KCNAB1: variants seen among roughly 807,000 people sequenced by gnomAD.
The protein encoded by KCNAB1 is potassium voltage-gated channel subfamily A regulatory beta subunit 1, also known as voltage-gated potassium channel subunit beta-1.
KCNAB1 carries 35 observed loss-of-function variants against 64.6 expected under a neutral mutation model. That is an observed-to-expected ratio of 0.54 (90% CI 0.41 to 0.72). The LOEUF (loss-of-function observed/expected upper bound fraction) is 0.72, where lower values mean the gene tolerates loss of function less well. Ranked by LOEUF, KCNAB1 falls within the 30% of genes least tolerant of loss-of-function variation. The pLI is 0.00. For synonymous variants in KCNAB1, 177 were observed against 183.8 expected (o/e 0.96, Z 0.30); for missense variants, 401 against 512.9 (o/e 0.78, Z 2.11).
intron 1 of KCNAB1, among the ~76,000 whole-genome samples, chr3:156,165,577 T>G (rs1025518586): frequency 6.6e-6 from 1 of 152,178 alleles, no homozygotes; most frequent in Non-Finnish European, 1.5e-5. Context: ...ATGTATTGAG[T>G]CAATACCCCT....
chr3:156,353,912 A>G (rs754788106), intron 1 of KCNAB1, among the ~76,000 whole-genome samples: 3 of 152,038 alleles, frequency 2.0e-5, no homozygotes, highest in Non-Finnish European at 4.4e-5. Flanking sequence ...GGTTACAAAA[A>G]TATCTTAAAC....
chr3:156,368,178 G>C (rs1167838120), intron 1 of KCNAB1, among the ~76,000 whole-genome samples: 3 of 152,074 alleles, frequency 2.0e-5, no homozygotes, highest in Non-Finnish European at 4.4e-5. Context: ...AATACATTGG[G>C]CATACTTATA....
chr3:156,439,888 C>T (rs1716873732), intron 2 of KCNAB1, among the ~76,000 whole-genome samples: 1 of 152,226 alleles, frequency 6.6e-6, no homozygotes, highest in Admixed American at 6.5e-5. Flanking sequence ...AAAATGTTCT[C>T]CCATTGTGTA....
At chr3:156,526,615 A>G (rs1718324123) in intron 12 of KCNAB1, among the ~76,000 whole-genome samples, 1 of 152,230 alleles carries the variant, frequency 6.6e-6, no homozygotes, top group African/African-American at 2.4e-5. Context: ...AAAAGCCCTG[A>G]GACTTCTGGT....
intron 1 of KCNAB1, among the ~76,000 whole-genome samples, chr3:156,246,404 G>A (rs1239668820): frequency 6.6e-6 from 1 of 152,112 alleles, no homozygotes; most frequent in African/African-American, 2.4e-5. Context: ...AGGAGTTTGA[G>A]ACCAGCCTGC....
At chr3:156,413,742 A>G (rs1237910520) in intron 1 of KCNAB1, among the ~76,000 whole-genome samples, 1 of 152,222 alleles carries the variant, frequency 6.6e-6, no homozygotes, top group African/African-American at 2.4e-5. Flanking sequence ...CGATAGCATT[A>G]CAGCACCCAC....
intron 1 of KCNAB1, among the ~76,000 whole-genome samples, chr3:156,214,023 A>G (rs936786179): frequency 1.3e-5 from 2 of 152,076 alleles, no homozygotes; most frequent in Non-Finnish European, 2.9e-5. Context: ...TGAAGTGGAG[A>G]GCTTCTGAGT....
At chr3:156,221,841 C>T (rs1441193529) in intron 1 of KCNAB1, among the ~76,000 whole-genome samples, 4 of 149,760 alleles carry the variant, frequency 2.7e-5, no homozygotes, top group Non-Finnish European at 5.9e-5. Flanking sequence ...AGGAAAGACA[C>T]AATCTTTTCC....
At chr3:156,325,833 T>G (rs1722938497) in intron 1 of KCNAB1, among the ~76,000 whole-genome samples, 2 of 152,098 alleles carry the variant, frequency 1.3e-5, no homozygotes, top group African/African-American at 4.8e-5. Flanking sequence ...TCATACCAAC[T>G]CAGGAATGCA....
intron 1 of KCNAB1, among the ~76,000 whole-genome samples, chr3:156,303,394 A>T (rs1721285553): frequency 6.6e-6 from 1 of 152,210 alleles, no homozygotes; most frequent in South Asian, 2.1e-4. Flanking sequence ...GAGACTCAAG[A>T]GTTAAAACTC....
chr3:156,423,592 T>C (rs1419511226), intron 2 of KCNAB1, among the ~76,000 whole-genome samples: 1 of 152,194 alleles, frequency 6.6e-6, no homozygotes, highest in Admixed American at 6.5e-5. Flanking sequence ...CAAGATAGCA[T>C]TAAGGATCAG....
chr3:156,129,165 T>G (rs1713841432), intron 1 of KCNAB1, among the ~76,000 whole-genome samples: 1 of 152,202 alleles, frequency 6.6e-6, no homozygotes, highest in Non-Finnish European at 1.5e-5. Flanking sequence ...ATTTTTTTTT[T>G]CTTCTTTTCC....
chr3:156,357,333 CAGTT>C, intron 1 of KCNAB1, among the ~76,000 whole-genome samples: 1 of 152,084 alleles, frequency 6.6e-6, no homozygotes, highest in East Asian at 1.9e-4. Context: ...CAAGTGGGGA[CAGTT>C]AGAAAAGGAA....
At chr3:156,338,754 G>A (rs1225833829) in intron 1 of KCNAB1, among the ~76,000 whole-genome samples, 3 of 152,068 alleles carry the variant, frequency 2.0e-5, no homozygotes, top group Non-Finnish European at 4.4e-5. Flanking sequence ...TTCTGCTTTC[G>A]GGAGTGCCAG....
chr3:156,524,111 C>A (rs1367447231), intron 12 of KCNAB1, 164 bp downstream of exon 12: 4 of 695,500 alleles, frequency 5.8e-6, no homozygotes, highest in African/African-American at 5.5e-5. Flanking sequence ...TTGAGGTTCC[C>A]CAGAATTTTC....
At chr3:156,369,153 C>T (rs1438759849) in intron 1 of KCNAB1, among the ~76,000 whole-genome samples, 1 of 152,084 alleles carries the variant, frequency 6.6e-6, no homozygotes, top group African/African-American at 2.4e-5. Flanking sequence ...ATTTCTTTTA[C>T]CATAAATTCA....
intron 1 of KCNAB1, among the ~76,000 whole-genome samples, chr3:156,308,943 A>G (rs1289756553): frequency 6.6e-6 from 1 of 152,160 alleles, no homozygotes; most frequent in East Asian, 1.9e-4. Flanking sequence ...ACTTGTACTG[A>G]TAATTTATTA....
intron 2 of KCNAB1, among the ~76,000 whole-genome samples, chr3:156,435,899 A>T (rs1716554703): frequency 6.6e-6 from 1 of 152,074 alleles, no homozygotes; most frequent in South Asian, 2.1e-4. Flanking sequence ...GCTCCATCTA[A>T]AAGTCTATGT....
chr3:156,489,903 G>A (rs1045944297), intron 8 of KCNAB1, among the ~76,000 whole-genome samples: 1 of 152,024 alleles, frequency 6.6e-6, no homozygotes, highest in African/African-American at 2.4e-5. Context: ...CACGGAAGAT[G>A]GGGGTGAGGC....
Sources: gnomAD v4.1 joint callset for allele counts (sites outside exome capture counted in the v4.1 genomes callset) on GRCh38, gnomAD v4.1.1 for gene constraint, MANE v1.5 for transcripts, NCBI Gene and HGNC (gene_info 2026-07-23, HGNC 2026-07-21) for gene names.